GPATCH11: variants seen among roughly 807,000 people sequenced by gnomAD.
GPATCH11 encodes the protein G patch domain-containing protein 11.
In GPATCH11, 32 loss-of-function variants were observed where a neutral mutation model predicts 44.8. The ratio of observed to expected loss-of-function variants is 0.71; its 90% CI spans 0.54 to 0.96. GPATCH11 has a LOEUF of 0.96. Among genes scored for constraint, GPATCH11 ranks in the 40% least tolerant of loss-of-function variants. The pLI, the probability that GPATCH11 is intolerant of heterozygous loss-of-function variation, is 0.00. For synonymous variants in GPATCH11, 84 were observed against 94.4 expected (o/e 0.89, Z 0.64); for missense variants, 324 against 303.1 (o/e 1.07, Z -0.51).
rs1310439625 is a variant in GPATCH11 at position 37,096,391 on chromosome 2, T to G, written c.*128T>G. On this transcript the variant is annotated 3_prime_UTR_variant, in exon 9 of 9. Transcript: ENST00000674370. Reference sequence around the variant, plus strand: ...GGGGACTTTATATAATGTTTTGTTCTTTTTGTACTTTAGAATATGAATGTT... The same window carrying G: ...GGGGACTTTATATAATGTTTTGTTCGTTTTGTACTTTAGAATATGAATGTT... 1.5e-6 allele frequency: 1 copy of G among 645,258 alleles called. No individual in the cohort carries two copies. Among genetic ancestry groups the G allele is most frequent in the Admixed American group, 3.3e-5 (1 of 30,410 alleles). 40.0% of individuals were successfully genotyped at this position (645,258 alleles called of 1,614,324 possible). A position where few individuals can be genotyped will look rare whatever the true frequency, so the allele number is the denominator to read the frequency against.
In GPATCH11 at chr2:37,092,036, G is replaced by T; in HGVS notation, c.449G>T (p.Arg150Leu). Residue 150 changes from arginine to leucine, a missense_variant and splice_region_variant, in exon 5 of 9, where the codon CGA becomes CTA. Physicochemically the swap from Arg to Leu is moderately radical, Grantham distance 102. Transcript: ENST00000674370. ...GAAGAAAAAGCTGCAGAACAGTTTC[G>T]GTAAAACTATTTTTGAGCTGGTTTT... The part of the protein sequence containing the change: ...QAEEKAAEQF[R>L]MRLKNKQDEM... 6.2e-7 allele frequency: 1 copy of T among 1,611,918 alleles called. No individual in the cohort carries two copies. Among genetic ancestry groups the T allele is most frequent in the African/African-American group, 1.3e-5 (1 of 74,870 alleles).
intron 1 of GPATCH11, among the ~76,000 whole-genome samples, chr2:37,087,689 G>C (rs143680957): frequency 5.2e-4 from 79 of 152,308 alleles, no homozygotes; most frequent in African/African-American, 1.8e-3. Flanking sequence ...GGTCAGGAGA[G>C]GTTTCTGAAG....
intron 1 of GPATCH11, 55 bp from the exon 2 acceptor site, chr2:37,088,314 G>T (rs1673141110): frequency 3.6e-6 from 3 of 842,428 alleles, no homozygotes; most frequent in East Asian, 2.8e-5. Context: ...ATACAGAAAG[G>T]TTTATTTCCA....
chr2:37,095,529 T>C lies in GPATCH11; in HGVS notation c.736+11T>C. Reference sequence around the variant, plus strand: ...GAACAGCCTATGAAGGTAAGAAAATTACTTTATGCTTTTTAAAAATAGATG... The same window carrying C: ...GAACAGCCTATGAAGGTAAGAAAATCACTTTATGCTTTTTAAAAATAGATG... On this transcript the variant is annotated intron_variant, in intron 8 of 8. Coordinates refer to ENST00000674370, the MANE Select transcript of GPATCH11 (RefSeq NM_174931.4). 1 of 1,568,488 alleles carries C rather than the reference T, an allele frequency of 6.4e-7. No individual in the cohort carries two copies. Among genetic ancestry groups the C allele is most frequent in the Non-Finnish European group, 8.6e-7 (1 of 1,163,376 alleles).
At chr2:37,091,293 C>T (rs1004261216) in intron 4 of GPATCH11, among the ~76,000 whole-genome samples, 1 of 151,354 alleles carries the variant, frequency 6.6e-6, no homozygotes, top group East Asian at 1.9e-4. Context: ...CATTGCACTC[C>T]AGCCTGGGCA....
At position 37,088,659 on chromosome 2, in the gene GPATCH11, G is replaced by C. The variant is rs115829546; in HGVS notation, c.59+219G>C. ...GGCCTCCCGAGTAGTTGGGACTGCA[G>C]GCCTGCACCATCATGCCCGGCTAAC... On this transcript the variant is annotated intron_variant, in intron 2 of 8. Transcript: ENST00000674370. Among the ~76,000 whole-genome samples, 1,089 of 152,262 alleles carry C rather than the reference G, an allele frequency of 7.2e-3. 7 individuals are homozygous for C. The highest frequency in any genetic ancestry group is 0.013 in the Non-Finnish European group (911 of 68,016).
intron 2 of GPATCH11, among the ~76,000 whole-genome samples, chr2:37,089,272 T>TAGGAGAA (rs1413378238): frequency 6.6e-6 from 1 of 152,118 alleles, no homozygotes; most frequent in Non-Finnish European, 1.5e-5. Context: ...GTGACAGAGT[T>TAGGAGAA]ATGAGAAAAC....
At position 37,096,470 on chromosome 2, in the gene GPATCH11, G is replaced by A. The variant is rs1673590563; in HGVS notation, c.*207G>A. 7 of 530,042 alleles carry A rather than the reference G, an allele frequency of 1.3e-5. No homozygotes were observed. The highest frequency in any genetic ancestry group is 2.0e-5 in the Non-Finnish European group (6 of 299,158). The allele number at this position is 530,042 out of a possible 1,614,324, so 32.8% of individuals were successfully genotyped here. On this transcript the variant is annotated 3_prime_UTR_variant, in exon 9 of 9. Coordinates refer to ENST00000674370, the MANE Select transcript of GPATCH11 (RefSeq NM_174931.4). ...CATTTCAGAACACAAGTATCACAGA[G>A]ATGGACAGTTACAATTTATTGCTAT... is the stretch of plus-strand genomic sequence containing the variant.
At chr2:37,085,689 C>T (rs1027015159) in intron 1 of GPATCH11, among the ~76,000 whole-genome samples, 3 of 152,228 alleles carry the variant, frequency 2.0e-5, no homozygotes, top group Non-Finnish European at 4.4e-5. Flanking sequence ...TGATAAGGTT[C>T]TACTTCCTGA....
At chr2:37,092,450 T>TTA (rs1203867347) in intron 6 of GPATCH11, among the ~76,000 whole-genome samples, 195 bp downstream of exon 6, 1 of 144,060 alleles carries the variant, frequency 6.9e-6, no homozygotes, top group Non-Finnish European at 1.5e-5. Flanking sequence ...GTCTTATATA[T>TTA]TATATATATT....
chr2:37,097,236 G>A lies in GPATCH11; in HGVS notation c.*973G>A, dbSNP rs1215032070. On this transcript the variant is annotated 3_prime_UTR_variant, in exon 9 of 9. Coordinates refer to ENST00000674370, the MANE Select transcript of GPATCH11 (RefSeq NM_174931.4). Reference sequence around the variant, plus strand: ...TTCTTCCAGCCACAGAGAACTCACTGCTTTAAAACCATTCCATTACTGGGT... The same window carrying A: ...TTCTTCCAGCCACAGAGAACTCACTACTTTAAAACCATTCCATTACTGGGT... 6.6e-6 allele frequency: 1 copy of A among 152,138 alleles called. No homozygotes were observed. The highest frequency in any genetic ancestry group is 2.4e-5 in the African/African-American group (1 of 41,430). 9.4% of individuals were successfully genotyped at this position (152,138 alleles called of 1,614,324 possible). A position where few individuals can be genotyped will look rare whatever the true frequency, so the allele number is the denominator to read the frequency against.
Position 37,098,990 on chromosome 2 carries a change from T to C in GPATCH11, c.*2727T>C, listed in dbSNP as rs141845120. 1.9e-3 allele frequency: 286 copies of C among 152,356 alleles called. 3 individuals are homozygous for C. The highest frequency in any genetic ancestry group is 6.5e-3 in the African/African-American group (270 of 41,588). The allele number at this position is 152,356 out of a possible 1,614,324, so 9.4% of individuals were successfully genotyped here. A position where few individuals can be genotyped will look rare whatever the true frequency, so the allele number is the denominator to read the frequency against. ...ATGAACACCAAGGGAAGCAAAACAC[T>C]GAAAAGAATTTTAAAATTTGTTGTA... On this transcript the variant is annotated 3_prime_UTR_variant, in exon 9 of 9. Coordinates refer to ENST00000674370, the MANE Select transcript of GPATCH11 (RefSeq NM_174931.4).
intron 1 of GPATCH11, among the ~76,000 whole-genome samples, chr2:37,086,785 C>T (rs953101142): frequency 6.6e-6 from 1 of 152,144 alleles, no homozygotes; most frequent in African/African-American, 2.4e-5. Flanking sequence ...GGTGATAGAA[C>T]GAGATTCTGT....
intron 2 of GPATCH11, 112 bp from the exon 3 acceptor site, chr2:37,089,528 T>A: frequency 1.3e-6 from 1 of 772,176 alleles, no homozygotes. Context: ...GATTATGCCA[T>A]TGCATTACAG....
chr2:37,084,688 C>G (rs1230445045), intron 1 of GPATCH11, 118 bp downstream of exon 1: 3 of 812,854 alleles, frequency 3.7e-6, no homozygotes, highest in Non-Finnish European at 5.0e-6. Context: ...TGGGTGGTTG[C>G]GTCTGTGGGA....
intron 1 of GPATCH11, among the ~76,000 whole-genome samples, chr2:37,087,985 A>G (rs1012516025): frequency 1.3e-5 from 2 of 151,924 alleles, no homozygotes; most frequent in African/African-American, 4.8e-5. Context: ...GGAAGAGGAG[A>G]CCAACTAAGA....
chr2:37,094,195 C>T lies in GPATCH11; in HGVS notation c.654C>T (p.Ser218=), dbSNP rs376661547. 5.9e-6 allele frequency: 9 copies of T among 1,517,088 alleles called. No homozygotes were observed. The highest frequency in any genetic ancestry group is 1.2e-5 in the South Asian group (1 of 83,450). 94.0% of individuals were successfully genotyped at this position (1,517,088 alleles called of 1,614,324 possible). The change falls in exon 7 of 9, where the codon AGC becomes AGT. Residue 218 remains serine, a splice_region_variant and synonymous_variant. Transcript: ENST00000674370. ...DEDEYKSEDL[S]VLEKLQILTS... ...ATGAATATAAGAGTGAAGATTTAAG[C>T]GTATGCTTTGCACCATTTCCTTCAT...
intron 2 of GPATCH11, 78 bp from the exon 3 acceptor site, chr2:37,089,562 C>G: frequency 9.1e-7 from 1 of 1,103,518 alleles, no homozygotes; most frequent in Non-Finnish European, 1.3e-6. Flanking sequence ...AGCGAAACTC[C>G]GTCTCAAAAA....
chr2:37,090,918 C>A (rs1673286805), intron 4 of GPATCH11, among the ~76,000 whole-genome samples, 196 bp downstream of exon 4: 2 of 152,090 alleles, frequency 1.3e-5, no homozygotes, highest in African/African-American at 4.8e-5. Context: ...TTAAACCACA[C>A]GAATATGGGA....
Sources: allele counts gnomAD v4.1 joint callset (sites outside exome capture counted in the v4.1 genomes callset), GRCh38; gene constraint gnomAD v4.1.1; transcripts MANE v1.5; gene names NCBI Gene and HGNC (gene_info 2026-07-23, HGNC 2026-07-21).